EIF4G3: variants seen among roughly 807,000 people sequenced by gnomAD.
EIF4G3 encodes the protein eIF-4-gamma 3.
EIF4G3 carries 34 observed loss-of-function variants against 186.4 expected under a neutral mutation model. That is an observed-to-expected ratio of 0.18 (90% CI 0.14 to 0.24). The LOEUF is 0.24. Among genes scored for constraint, EIF4G3 ranks in the 10% least tolerant of loss-of-function variants. The pLI is 1.00. For synonymous variants in EIF4G3, 673 were observed against 679.5 expected, an observed-to-expected ratio of 0.99 and a Z score of 0.15; for missense variants, 1,536 against 1,948.5, an observed-to-expected ratio of 0.79 and a Z score of 3.99.
chr1:20,871,168 A>G (rs1481531618), intron 20 of EIF4G3, among the ~76,000 whole-genome samples: 1 of 152,236 alleles, frequency 6.6e-6, no homozygotes, highest in African/African-American at 2.4e-5. Context: ...GAGGTTTTAA[A>G]TGGAGGTGTG....
intron 2 of EIF4G3, among the ~76,000 whole-genome samples, chr1:21,159,777 G>A (rs2097728018): frequency 6.6e-6 from 1 of 151,774 alleles, no homozygotes; most frequent in Admixed American, 6.6e-5. Flanking sequence ...GACCAGCCTG[G>A]GCAACACAGT....
chr1:20,847,947 T>C (rs2071744073), intron 29 of EIF4G3: 1 of 420,416 alleles, frequency 2.4e-6, no homozygotes, highest in Non-Finnish European at 4.7e-6. Context: ...GATTACACTG[T>C]TAAGAAAACA....
chr1:21,044,355 C>T (rs906459215), intron 4 of EIF4G3, among the ~76,000 whole-genome samples: 4 of 152,004 alleles, frequency 2.6e-5, no homozygotes, highest in East Asian at 1.9e-4. Context: ...CTAAAGAATC[C>T]TGGTAAGCTC....
At position 20,944,085 on chromosome 1, in the gene EIF4G3, T is replaced by C. The variant is rs547855140; in HGVS notation, c.824-1755A>G. 2.6e-5 allele frequency among the ~76,000 whole-genome samples: 4 copies of C among 151,424 alleles called. No individual in the cohort carries two copies. The South Asian group carries it at 6.3e-4, about 24-fold the overall frequency. ...ACACACCATATATAACAAATATGTA[T>C]TTATCAAAATATCTTTGATGAAAAT... On this transcript the variant is annotated intron_variant, in intron 13 of 36. Transcript: ENST00000602326.
At chr1:21,058,965 A>AC (rs2094731960) in intron 3 of EIF4G3, among the ~76,000 whole-genome samples, 1 of 151,302 alleles carries the variant, frequency 6.6e-6, no homozygotes, top group Admixed American at 6.6e-5. Context: ...ACACACACAC[A>AC]AACCACTGTT....
chr1:21,080,120 C>T (rs753926294), intron 3 of EIF4G3, among the ~76,000 whole-genome samples: 1 of 150,580 alleles, frequency 6.6e-6, no homozygotes, highest in African/African-American at 2.4e-5. Context: ...CACTGCAGTC[C>T]AGCCTCGGTG....
chr1:20,954,475 G>T (rs1190337436), intron 12 of EIF4G3, among the ~76,000 whole-genome samples: 2 of 140,844 alleles, frequency 1.4e-5, no homozygotes, highest in African/African-American at 5.2e-5. Context: ...GGTGGAGGTT[G>T]CAGTGAGCCG....
In EIF4G3 at chr1:20,886,306, T is replaced by C. The variant is rs758844549; in HGVS notation, c.2319A>G (p.Thr773=). ...GQRREPRKII[T]VSVKEDVHLK... is the part of the protein sequence containing the mutation. Reference sequence around the variant, plus strand: ...GGTGTACATCTTCTTTTACAGAAACTGTGATGATCTTTCTGGGTTCTCTTC... The same window carrying C: ...GGTGTACATCTTCTTTTACAGAAACCGTGATGATCTTTCTGGGTTCTCTTC... Residue 773 remains threonine, a synonymous_variant, in exon 19 of 37, where the codon ACA becomes ACG. Coordinates refer to ENST00000602326, the MANE Select transcript of EIF4G3 (RefSeq NM_001391906.1). 6.8e-6 allele frequency: 11 copies of C among 1,614,150 alleles called. No individual in the cohort carries two copies. Among genetic ancestry groups the C allele is most frequent in the Non-Finnish European group, 7.6e-6 (9 of 1,180,008 alleles).
intron 34 of EIF4G3, among the ~76,000 whole-genome samples, 186 bp downstream of exon 34, chr1:20,817,206 C>A (rs1359093399): frequency 1.4e-5 from 2 of 139,878 alleles, no homozygotes; most frequent in African/African-American, 5.4e-5. Context: ...CCTGCCAAAT[C>A]CCCCTCTGCG....
Position 20,946,441 on chromosome 1 carries a change from C to A in EIF4G3, c.823+3562G>T, listed in dbSNP as rs571919031. Reference sequence around the variant, plus strand: ...ATTCAACAGTTGTTCTCTCTACAAACCAATGTGAAGTATTCCCTATGTCTT... The same window carrying A: ...ATTCAACAGTTGTTCTCTCTACAAAACAATGTGAAGTATTCCCTATGTCTT... On this transcript the variant is annotated intron_variant, in intron 13 of 36. Coordinates refer to ENST00000602326, the MANE Select transcript of EIF4G3 (RefSeq NM_001391906.1). Among the ~76,000 whole-genome samples, 12 of 152,232 alleles carry A rather than the reference C, an allele frequency of 7.9e-5. No individual in the cohort carries two copies. In the South Asian group the frequency reaches 2.3e-3, roughly 29 times the overall value.
In EIF4G3 at chr1:20,853,595, C is replaced by G. The variant is rs146342611; in HGVS notation, c.3516G>C (p.Thr1172=). The G allele has an allele frequency of 1.9e-6, 3 of 1,613,666 alleles. No homozygotes were observed. The highest frequency in any genetic ancestry group is 1.7e-5 in the Admixed American group (1 of 59,974). ...PPAPSGSTPS[T]PVEFDSRRTL... is the part of the protein sequence containing the mutation. ...TCCTTCGGGAATCAAACTCTACAGGCGTGGATGGCGTGGACCCTGAGGGTG... is the reference window on the plus strand; with the variant it reads ...TCCTTCGGGAATCAAACTCTACAGGGGTGGATGGCGTGGACCCTGAGGGTG... The change falls in exon 27 of 37, where the codon ACG becomes ACC. Residue 1172 remains threonine, a synonymous_variant. Coordinates refer to ENST00000602326, the MANE Select transcript of EIF4G3 (RefSeq NM_001391906.1).
At chr1:20,937,091 A>G (rs927327692) in intron 14 of EIF4G3, among the ~76,000 whole-genome samples, 5 of 152,198 alleles carry the variant, frequency 3.3e-5, no homozygotes, top group Non-Finnish European at 7.3e-5. Flanking sequence ...GAGATCTTGG[A>G]TCCCTGCAAA....
chr1:20,897,224 A>G (rs896745747), intron 16 of EIF4G3, among the ~76,000 whole-genome samples: 4 of 152,186 alleles, frequency 2.6e-5, no homozygotes, highest in Non-Finnish European at 4.4e-5. Context: ...GCAAGTAGGA[A>G]TCACTTCACA....
chr1:20,842,613 G>A (rs112177610), intron 29 of EIF4G3, among the ~76,000 whole-genome samples: 124 of 152,284 alleles, frequency 8.1e-4, no homozygotes, highest in African/African-American at 2.8e-3. Context: ...GTAATCGCCT[G>A]CCTCAGCCTC....
At chr1:21,176,681 G>T in intron 1 of EIF4G3, 41 bp downstream of exon 1, 1 of 593,746 alleles carries the variant, frequency 1.7e-6, no homozygotes, top group Non-Finnish European at 3.0e-6. Flanking sequence ...CCCCAGGGGG[G>T]GGGCCGGACC....
intron 2 of EIF4G3, among the ~76,000 whole-genome samples, chr1:21,128,345 A>C (rs2102458641): frequency 6.6e-6 from 1 of 151,766 alleles, no homozygotes; most frequent in South Asian, 2.1e-4. Context: ...CCCGTCTCTA[A>C]AAAATAATAC....
chr1:20,910,975 G>T (rs1167346213), intron 14 of EIF4G3, among the ~76,000 whole-genome samples: 1 of 152,126 alleles, frequency 6.6e-6, no homozygotes, highest in East Asian at 1.9e-4. Flanking sequence ...ATTTTAAATT[G>T]GGAGAAATAA....
At chr1:20,961,313 G>A (rs1275228943) in intron 12 of EIF4G3, among the ~76,000 whole-genome samples, 1 of 152,122 alleles carries the variant, frequency 6.6e-6, no homozygotes, top group Non-Finnish European at 1.5e-5. Context: ...AACCAGGGAG[G>A]CAGAGGTTGC....
intron 20 of EIF4G3, among the ~76,000 whole-genome samples, chr1:20,877,855 T>C (rs1244993323): frequency 6.6e-6 from 1 of 152,228 alleles, no homozygotes; most frequent in East Asian, 1.9e-4. Context: ...AATTTTATTT[T>C]ATTTTGAGAC....
Sources: allele counts gnomAD v4.1 joint callset (sites outside exome capture counted in the v4.1 genomes callset), GRCh38; gene constraint gnomAD v4.1.1; transcripts MANE v1.5; gene names NCBI Gene and HGNC (gene_info 2026-07-23, HGNC 2026-07-21).